TENM2: variants seen among roughly 807,000 people sequenced by gnomAD.
TENM2 encodes teneurin transmembrane protein 2.
Under a neutral mutation model 245.2 loss-of-function variants are expected in TENM2, and 52 were observed. The ratio of observed to expected loss-of-function variants is 0.21; its 90% CI spans 0.17 to 0.27. The LOEUF (loss-of-function observed/expected upper bound fraction) is 0.27. TENM2 is among the 10% of genes least tolerant of loss of function. The probability of loss-of-function intolerance (pLI) is 1.00; values close to 1 mark genes in which losing one functional copy is unlikely to be tolerated. For synonymous variants in TENM2, 1,363 were observed against 1,438.9 expected, an observed-to-expected ratio of 0.95 and a Z score of 1.19; for missense variants, 3,046 against 3,666.8, an observed-to-expected ratio of 0.83 and a Z score of 4.37.
At chr5:167,523,399 G>T (rs1387697313) in intron 2 of TENM2, among the ~76,000 whole-genome samples, 1 of 152,104 alleles carries the variant, frequency 6.6e-6, no homozygotes, top group East Asian at 1.9e-4. Flanking sequence ...GCTCCGTGTT[G>T]TAGGATCTTC....
the TENM2 span, among the ~76,000 whole-genome samples, chr5:167,242,087 C>T: frequency 1.4e-5 from 2 of 142,510 alleles, no homozygotes; most frequent in African/African-American, 5.3e-5. Flanking sequence ...TCTTGTCGCT[C>T]AGACTAGAGT....
chr5:168,072,515 G>A (rs576229675), intron 7 of TENM2, among the ~76,000 whole-genome samples: 13 of 152,190 alleles, frequency 8.5e-5, no homozygotes, highest in East Asian at 3.9e-4. Context: ...TAAAAGCATC[G>A]GCTCTGCCTT....
At chr5:167,972,926 G>T (rs1781901752) in intron 4 of TENM2, among the ~76,000 whole-genome samples, 2 of 152,160 alleles carry the variant, frequency 1.3e-5, no homozygotes, top group South Asian at 4.1e-4. Context: ...GGTTCTAGCT[G>T]TAGGGCCCTT....
intron 2 of TENM2, among the ~76,000 whole-genome samples, chr5:167,665,824 G>A (rs753362969): frequency 2.4e-4 from 36 of 152,060 alleles, no homozygotes; most frequent in East Asian, 1.4e-3. Flanking sequence ...ATTCTGCCTC[G>A]ACATTTACTT....
the TENM2 span, among the ~76,000 whole-genome samples, chr5:167,232,764 A>G: frequency 6.6e-6 from 1 of 152,226 alleles, no homozygotes; most frequent in Non-Finnish European, 1.5e-5. Flanking sequence ...ATAATTGCTT[A>G]AAATCTACCA....
At chr5:166,998,176 G>C in the TENM2 span, among the ~76,000 whole-genome samples, 11 of 152,128 alleles carry the variant, frequency 7.2e-5, no homozygotes, top group Non-Finnish European at 1.2e-4. Flanking sequence ...GAATACAAGT[G>C]GAATGCTGAT....
chr5:167,831,385 G>C (rs1303588471), intron 2 of TENM2, among the ~76,000 whole-genome samples: 1 of 151,686 alleles, frequency 6.6e-6, no homozygotes, highest in Non-Finnish European at 1.5e-5. Flanking sequence ...GTCCTCTGAG[G>C]TCTTATAGGG....
At chr5:167,714,579 G>A (rs17069029) in intron 2 of TENM2, among the ~76,000 whole-genome samples, 3,849 of 152,252 alleles carry the variant, frequency 0.025, 92 homozygotes, top group East Asian at 0.073. Flanking sequence ...ACCTGCTAGC[G>A]TATGGCCCAA....
In TENM2 at chr5:167,895,485, G is replaced by A. The variant is rs544216773; in HGVS notation, c.712+19290G>A. On this transcript the variant is annotated intron_variant, in intron 3 of 28. Transcript: ENST00000518659. ...GCATGTAACCATCAAATCAAGCACA[G>A]CAGCTACGATTTGAACCATTGCTGC... 2.0e-5 allele frequency among the ~76,000 whole-genome samples: 3 copies of A among 152,320 alleles called. No individual in the cohort carries two copies. The South Asian group carries it at 6.2e-4, about 32-fold the overall frequency.
exon 29 of TENM2, chr5:168,262,242 C>G: frequency 6.2e-7 from 1 of 1,604,414 alleles, no homozygotes; most frequent in Non-Finnish European, 8.5e-7. Context: ...ACGGGCGTGT[C>G]CAGCATCGCC....
At chr5:167,346,086 GC>G (rs1471072665) in intron 1 of TENM2, among the ~76,000 whole-genome samples, 2 of 152,072 alleles carry the variant, frequency 1.3e-5, no homozygotes, top group Admixed American at 1.3e-4. Context: ...ACCCAAGTCC[GC>G]CAAATAGCAA....
At chr5:167,455,438 T>A (rs1229445127) in intron 2 of TENM2, among the ~76,000 whole-genome samples, 6 of 136,694 alleles carry the variant, frequency 4.4e-5, no homozygotes, top group African/African-American at 1.6e-4. Flanking sequence ...TATCCCCTTG[T>A]TGTTGATGTA....
At chr5:167,929,134 GAAA>G (rs1778083424) in intron 3 of TENM2, among the ~76,000 whole-genome samples, 1 of 116,574 alleles carries the variant, frequency 8.6e-6, no homozygotes, top group Non-Finnish European at 1.7e-5. Context: ...AGAAAGAAAA[GAAA>G]GAAGGGAGGG....
intron 3 of TENM2, among the ~76,000 whole-genome samples, chr5:167,879,180 C>T (rs754253958): frequency 9.9e-5 from 15 of 152,166 alleles, no homozygotes; most frequent in Non-Finnish European, 1.9e-4. Context: ...CAAAGCTTCA[C>T]CTTTATGGCT....
chr5:167,436,511 C>A (rs1032967957), intron 2 of TENM2, among the ~76,000 whole-genome samples: 10 of 152,170 alleles, frequency 6.6e-5, no homozygotes, highest in African/African-American at 9.7e-5. Flanking sequence ...AAAAGAAAAT[C>A]TCATTTTCTG....
chr5:167,011,343 A>G, the TENM2 span, among the ~76,000 whole-genome samples: 1 of 152,230 alleles, frequency 6.6e-6, no homozygotes, highest in Non-Finnish European at 1.5e-5. Flanking sequence ...TGTATCACAC[A>G]AAGACCAACT....
chr5:167,320,663 C>G (rs1272237010), intron 1 of TENM2, among the ~76,000 whole-genome samples: 1 of 152,140 alleles, frequency 6.6e-6, no homozygotes, highest in Non-Finnish European at 1.5e-5. Context: ...TGAGCCCTTT[C>G]ATGCTCTCTT....
At chr5:168,064,563 G>A (rs1193430137) in intron 7 of TENM2, among the ~76,000 whole-genome samples, 1 of 152,218 alleles carries the variant, frequency 6.6e-6, no homozygotes, top group Non-Finnish European at 1.5e-5. Flanking sequence ...CTGACATTCA[G>A]GACTCAAATC....
chr5:167,528,683 C>T (rs549548696), intron 2 of TENM2, among the ~76,000 whole-genome samples: 3 of 152,246 alleles, frequency 2.0e-5, no homozygotes, highest in African/African-American at 7.2e-5. Context: ...CTGTACGGTG[C>T]TTAGCAAAGA....
Sources: gnomAD v4.1 joint callset for allele counts (sites outside exome capture counted in the v4.1 genomes callset) on GRCh38, gnomAD v4.1.1 for gene constraint, MANE v1.5 for transcripts, NCBI Gene and HGNC (gene_info 2026-07-23, HGNC 2026-07-21) for gene names.